SGCZ: variants seen among roughly 807,000 people sequenced by gnomAD.
The protein encoded by SGCZ is sarcoglycan zeta.
In SGCZ, 40 loss-of-function variants were observed where a neutral mutation model predicts 41.3. That is an observed-to-expected ratio of 0.97 (90% CI 0.75 to 1.26). SGCZ has a LOEUF of 1.26. Among genes scored for constraint, SGCZ ranks in the 50% most tolerant of loss-of-function variants. SGCZ has a pLI of 0.00. For synonymous variants in SGCZ, 206 were observed against 137.5 expected (o/e 1.50, Z -3.49); for missense variants, 552 against 369.8 (o/e 1.49, Z -4.04).
At chr8:15,205,048 A>T (rs1196387941) in intron 1 of SGCZ, among the ~76,000 whole-genome samples, 1 of 152,224 alleles carries the variant, frequency 6.6e-6, no homozygotes, top group Admixed American at 6.5e-5. Flanking sequence ...ATTCTAAAAA[A>T]AGTTCAAGTT....
intron 5 of SGCZ, among the ~76,000 whole-genome samples, chr8:14,153,738 C>G (rs992087246): frequency 6.6e-6 from 1 of 152,014 alleles, no homozygotes; most frequent in Non-Finnish European, 1.5e-5. Context: ...TCTCAGAGAT[C>G]TAGCATGATA....
At chr8:15,188,860 A>C (rs61252301) in intron 1 of SGCZ, among the ~76,000 whole-genome samples, 21,861 of 152,130 alleles carry the variant, frequency 0.14, 1,853 homozygotes, top group East Asian at 0.23. Context: ...GCAGAGAGGA[A>C]GGGAATCTGG....
intron 2 of SGCZ, among the ~76,000 whole-genome samples, chr8:14,334,807 T>C (rs568729448): frequency 1.3e-5 from 2 of 152,276 alleles, no homozygotes; most frequent in South Asian, 4.1e-4. Context: ...TAAATCTATG[T>C]TTTCTGGAAA....
rs1023007666 is a variant in SGCZ, at chr8:14,141,937, C to A, written c.547+22643G>T. Reference sequence around the variant, plus strand: ...AACCAAAATGTCCAACAATGATAGACTGGATTAAGAAAATGTGGCACATAT... The same window carrying A: ...AACCAAAATGTCCAACAATGATAGAATGGATTAAGAAAATGTGGCACATAT... On this transcript the variant is annotated intron_variant, in intron 5 of 7. Coordinates refer to ENST00000382080, the MANE Select transcript of SGCZ (RefSeq NM_139167.4). Among the ~76,000 whole-genome samples, 4 of 152,278 alleles carry A rather than the reference C, an allele frequency of 2.6e-5. No homozygotes were observed. The Middle Eastern group carries it at 0.01, about 388-fold the overall frequency.
chr8:14,811,137 G>A (rs1458989008), intron 1 of SGCZ, among the ~76,000 whole-genome samples: 1 of 151,966 alleles, frequency 6.6e-6, no homozygotes, highest in Non-Finnish European at 1.5e-5. Context: ...GAAATAAACT[G>A]CAATCCAATC....
intron 5 of SGCZ, among the ~76,000 whole-genome samples, chr8:14,145,302 G>T (rs1803487950): frequency 6.6e-6 from 1 of 152,116 alleles, no homozygotes; most frequent in African/African-American, 2.4e-5. Context: ...AATTCTCTCA[G>T]ATCTTGTCCA....
intron 1 of SGCZ, among the ~76,000 whole-genome samples, chr8:15,134,118 T>G (rs1808018221): frequency 6.6e-6 from 1 of 152,212 alleles, no homozygotes; most frequent in Non-Finnish European, 1.5e-5. Context: ...TAAGGCTATT[T>G]AATAAATATT....
At chr8:14,381,664 A>G (rs1433516387) in intron 2 of SGCZ, among the ~76,000 whole-genome samples, 1 of 151,794 alleles carries the variant, frequency 6.6e-6, no homozygotes, top group East Asian at 1.9e-4. Context: ...CTGTAGTCCC[A>G]GCTACTTGTT....
intron 1 of SGCZ, among the ~76,000 whole-genome samples, chr8:14,924,552 G>T (rs1799687051): frequency 6.6e-6 from 1 of 151,668 alleles, no homozygotes; most frequent in South Asian, 2.1e-4. Flanking sequence ...AAAAAAGCAC[G>T]CCTTCCTATT....
chr8:14,237,625 G>A lies in SGCZ; in HGVS notation c.391C>T (p.His131Tyr), dbSNP rs781344555. The change falls in exon 4 of 8, where the codon CAC becomes TAC. Residue 131 changes from histidine to tyrosine, a missense_variant. His to Tyr is a moderately conservative substitution (Grantham distance 83). Coordinates refer to ENST00000382080, the MANE Select transcript of SGCZ (RefSeq NM_139167.4). Reference protein sequence around the residue: ...DRNVTVNARNHMGQLTGQLTI... With the variant: ...DRNVTVNARNYMGQLTGQLTI... Reference sequence around the variant, plus strand: ...AGCTGTCCGGTTAACTGCCCCATGTGATTTCTTGCATTCACTGTGACATTC... The same window carrying A: ...AGCTGTCCGGTTAACTGCCCCATGTAATTTCTTGCATTCACTGTGACATTC... 3.7e-6 allele frequency: 6 copies of A among 1,613,762 alleles called. No individual in the cohort carries two copies. The African/African-American group carries it at 4.0e-5, about 11-fold the overall frequency.
intron 2 of SGCZ, among the ~76,000 whole-genome samples, chr8:14,475,455 A>G (rs888438123): frequency 1.3e-5 from 2 of 150,412 alleles, no homozygotes; most frequent in Non-Finnish European, 2.9e-5. Flanking sequence ...ATATCCATGC[A>G]TGATTCATTT....
chr8:14,301,040 T>C (rs538276633), intron 3 of SGCZ, among the ~76,000 whole-genome samples: 2 of 148,726 alleles, frequency 1.3e-5, no homozygotes, highest in African/African-American at 5.0e-5. Context: ...GATGTGAGAA[T>C]TGACTTAGAA....
chr8:14,868,548 G>C (rs559290153), intron 1 of SGCZ, among the ~76,000 whole-genome samples: 29 of 152,164 alleles, frequency 1.9e-4, no homozygotes, highest in African/African-American at 6.7e-4. Context: ...TGACTGAATC[G>C]AGTAATTGAT....
At chr8:14,217,512 C>T (rs936939047) in intron 4 of SGCZ, among the ~76,000 whole-genome samples, 6 of 151,394 alleles carry the variant, frequency 4.0e-5, no homozygotes, top group Non-Finnish European at 8.8e-5. Flanking sequence ...TGGCACTTCC[C>T]GTGAATCAAT....
At chr8:14,127,681 C>G (rs1289193997) in intron 5 of SGCZ, among the ~76,000 whole-genome samples, 1 of 152,186 alleles carries the variant, frequency 6.6e-6, no homozygotes, top group East Asian at 1.9e-4. Context: ...TGGACTTGAT[C>G]TCCTGATCTT....
intron 2 of SGCZ, among the ~76,000 whole-genome samples, chr8:14,431,315 T>C (rs780513561): frequency 6.6e-6 from 1 of 152,062 alleles, no homozygotes; most frequent in African/African-American, 2.4e-5. Context: ...TTCACCCGAA[T>C]AGCATGGTAC....
intron 2 of SGCZ, among the ~76,000 whole-genome samples, chr8:14,447,791 G>T (rs1316823448): frequency 6.6e-6 from 1 of 152,148 alleles, no homozygotes; most frequent in African/African-American, 2.4e-5. Context: ...TGAAGTACAT[G>T]CAATAAATGA....
chr8:14,176,758 A>C (rs369622561), intron 4 of SGCZ, among the ~76,000 whole-genome samples: 1 of 152,066 alleles, frequency 6.6e-6, no homozygotes, highest in Non-Finnish European at 1.5e-5. Context: ...GACCCCAAAC[A>C]TTATGGAGAG....
At chr8:14,339,572 T>C (rs1802629979) in intron 2 of SGCZ, among the ~76,000 whole-genome samples, 1 of 152,200 alleles carries the variant, frequency 6.6e-6, no homozygotes, top group Admixed American at 6.5e-5. Context: ...TGAATATGTT[T>C]GATAATAGGC....
Sources: gnomAD v4.1 joint callset for allele counts (sites outside exome capture counted in the v4.1 genomes callset) on GRCh38, gnomAD v4.1.1 for gene constraint, MANE v1.5 for transcripts, NCBI Gene and HGNC (gene_info 2026-07-23, HGNC 2026-07-21) for gene names.